The following MAGED1 variants were observed in gnomAD, a reference collection of about 807,000 sequenced individuals.
MAGED1 encodes melanoma-associated antigen D1.
MAGED1 carries 3 observed loss-of-function variants against 54.1 expected under a neutral mutation model. The ratio of observed to expected loss-of-function variants is 0.06; its 90% CI spans 0.03 to 0.14. The LOEUF is 0.14. MAGED1 is among the 10% of genes least tolerant of loss of function. MAGED1 has a pLI of 1.00. For synonymous variants in MAGED1, 217 were observed against 227.3 expected, an observed-to-expected ratio of 0.95 and a Z score of 0.41; for missense variants, 485 against 623.4, an observed-to-expected ratio of 0.78 and a Z score of 2.36.
At chrX:51,828,731 T>A (rs1384181012) in intron 1 of MAGED1, among the ~76,000 whole-genome samples, 1 of 111,532 alleles carries the variant, frequency 9.0e-6, no homozygotes, top group Non-Finnish European at 1.9e-5. Flanking sequence ...CAATTAGAGG[T>A]GCTCACATAT....
chrX:51,898,565 CT>C lies in MAGED1; in HGVS notation c.1782-9del. ...GTAATAGCCTCTGATTGTGGGTTTC[CT>C]TTTTTTACCTTCAGGGTGAGACATC... On this transcript the variant is annotated splice_polypyrimidine_tract_variant and intron_variant, in intron 9 of 12. Coordinates refer to ENST00000326587, the MANE Select transcript of MAGED1 (RefSeq NM_006986.4). 1.7e-6 allele frequency: 2 copies of C among 1,196,557 alleles called. No individual in the cohort carries two copies. The highest frequency in any genetic ancestry group is 2.3e-6 in the Non-Finnish European group (2 of 887,544).
intron 1 of MAGED1, among the ~76,000 whole-genome samples, chrX:51,822,883 A>G (rs913236930): frequency 1.8e-5 from 2 of 109,685 alleles, no homozygotes; most frequent in Admixed American, 1.9e-4. Flanking sequence ...ATTTCAAAGA[A>G]CTCTCTCATT....
chrX:51,869,192 GGTGTA>G (rs1407411658), intron 1 of MAGED1, among the ~76,000 whole-genome samples: 2 of 111,328 alleles, frequency 1.8e-5, no homozygotes, highest in African/African-American at 6.5e-5. Flanking sequence ...ACTGCGTAAT[GGTGTA>G]GTGTAGGGAT....
At chrX:51,858,162 A>G (rs1163767491) in intron 1 of MAGED1, 1 of 112,568 alleles carries the variant, frequency 8.9e-6, no homozygotes, top group Non-Finnish European at 1.9e-5. Flanking sequence ...TAATCATACA[A>G]TGTAGAAATC....
At chrX:51,886,203 G>A (rs1181685894) in intron 1 of MAGED1, among the ~76,000 whole-genome samples, 1 of 109,309 alleles carries the variant, frequency 9.1e-6, no homozygotes, top group African/African-American at 3.3e-5. Context: ...ATAAGACTTA[G>A]TAGTCAGTAG....
chrX:51,896,733 ATTGTCTGGCCCGGCCCTG>A lies in MAGED1; in HGVS notation c.1089_1106del (p.Gly364_Pro369del). 1 of 1,211,511 alleles carries A rather than the reference ATTGTCTGGCCCGGCCCTG, an allele frequency of 8.3e-7. No homozygotes were observed. Among genetic ancestry groups the A allele is most frequent in the Non-Finnish European group, 1.1e-6 (1 of 895,387 alleles). On this transcript the variant is annotated inframe_deletion, in exon 4 of 13. Coordinates refer to ENST00000326587, the MANE Select transcript of MAGED1 (RefSeq NM_006986.4). ...GAACCCAGTGATCTGGCCAAACCCCATTGTCTGGCCCGGCCCTGTTGTCTGGCCGAATCCACTGGCCTG... is the reference window on the plus strand; with the variant it reads ...GAACCCAGTGATCTGGCCAAACCCCATTGTCTGGCCGAATCCACTGGCCTG...
chrX:51,893,303 G>C (rs1272045571), upstream of MAGED1, among the ~76,000 whole-genome samples: 1 of 106,525 alleles, frequency 9.4e-6, no homozygotes, highest in Non-Finnish European at 1.9e-5. Context: ...GGGAGGGACG[G>C]AATAGAGACG....
intron 1 of MAGED1, among the ~76,000 whole-genome samples, chrX:51,805,394 T>C (rs1293946906): frequency 9.0e-6 from 1 of 111,325 alleles, no homozygotes; most frequent in Non-Finnish European, 1.9e-5. Context: ...CTTGCTAAAC[T>C]GTGGTACAGT....
rs782017259 is a variant in MAGED1 at position 51,836,573 on chromosome X, G to GT, written c.-37+33470dup. Among the ~76,000 whole-genome samples the GT allele has an allele frequency of 5.1e-3, 505 of 98,944 alleles. 1 individual carries two copies. Among genetic ancestry groups the GT allele is most frequent in the Non-Finnish European group, 6.2e-3 (303 of 48,555 alleles). 85.9% of individuals were successfully genotyped at this position (98,944 alleles called of 115,157 possible). On this transcript the variant is annotated intron_variant, in intron 1 of 12. Coordinates refer to the MAGED1 transcript ENST00000375772. The stretch of plus-strand genomic sequence containing the variant: ...CTCTGTATACACTAATGTGTACTCT[G>GT]TTTTTTTTTTTTTTGAGATGGAGTC...
chrX:51,822,648 A>G (rs782035398), intron 1 of MAGED1, among the ~76,000 whole-genome samples: 1 of 110,854 alleles, frequency 9.0e-6, no homozygotes, highest in Admixed American at 9.7e-5. Flanking sequence ...TGTTTTTCAT[A>G]TATTTATCCA....
intron 1 of MAGED1, among the ~76,000 whole-genome samples, chrX:51,820,658 G>A (rs1925591465): frequency 9.0e-6 from 1 of 110,830 alleles, no homozygotes; most frequent in Admixed American, 9.6e-5. Context: ...TTATTTATGG[G>A]GTACAGTGTG....
chrX:51,821,432 C>T (rs1557356522), intron 1 of MAGED1, among the ~76,000 whole-genome samples: 1 of 110,818 alleles, frequency 9.0e-6, no homozygotes, highest in African/African-American at 3.3e-5. Context: ...CCTCTGTCAC[C>T]CAGGCTGGAG....
intron 1 of MAGED1, among the ~76,000 whole-genome samples, chrX:51,816,415 A>T (rs1925427418): frequency 8.9e-6 from 1 of 111,766 alleles, no homozygotes; most frequent in African/African-American, 3.3e-5. Flanking sequence ...GCGCCTGGCC[A>T]TATTTTTGTC....
upstream of MAGED1, among the ~76,000 whole-genome samples, chrX:51,889,484 C>T (rs1427782315): frequency 4.6e-5 from 5 of 107,675 alleles, no homozygotes; most frequent in East Asian, 2.9e-4. Flanking sequence ...AAAAATTATC[C>T]GGGCGTGGTG....
chrX:51,897,461 C>A (rs2070374762), intron 5 of MAGED1, 86 bp from the exon 6 acceptor site: 1 of 855,884 alleles, frequency 1.2e-6, no homozygotes, highest in Admixed American at 2.3e-5. Flanking sequence ...AGGACCTTGA[C>A]TGTGCTACCC....
At chrX:51,850,617 G>T in intron 1 of MAGED1, among the ~76,000 whole-genome samples, 1 of 111,640 alleles carries the variant, frequency 9.0e-6, no homozygotes, top group East Asian at 2.8e-4. Context: ...ACAAAATGCT[G>T]GCTGGGCGCA....
intron 1 of MAGED1, among the ~76,000 whole-genome samples, chrX:51,838,356 T>C (rs1285321325): frequency 8.9e-6 from 1 of 112,669 alleles, no homozygotes; most frequent in African/African-American, 3.2e-5. Context: ...CAATAGCCAT[T>C]TGTGAAGCTG....
At chrX:51,825,161 G>A (rs1375553660) in intron 1 of MAGED1, among the ~76,000 whole-genome samples, 8 of 110,273 alleles carry the variant, frequency 7.3e-5, no homozygotes. Context: ...GTAGGAGCCT[G>A]TCCAGAGGCC....
upstream of MAGED1, among the ~76,000 whole-genome samples, chrX:51,892,160 C>T (rs904041651): frequency 8.9e-6 from 1 of 112,781 alleles, no homozygotes; most frequent in East Asian, 2.8e-4. Context: ...ATTTGAGTCA[C>T]CTCACATCTG....
Sources: allele counts gnomAD v4.1 joint callset (sites outside exome capture counted in the v4.1 genomes callset), GRCh38; gene constraint gnomAD v4.1.1; transcripts MANE v1.5; gene names NCBI Gene and HGNC (gene_info 2026-07-23, HGNC 2026-07-21).